Variants in MARCKS observed in about 807,000 individuals in gnomAD.
The protein encoded by MARCKS is myristoylated alanine-rich C-kinase substrate.
MARCKS carries 4 observed loss-of-function variants against 6.3 expected under a neutral mutation model. The ratio of observed to expected loss-of-function variants is 0.63; its 90% CI spans 0.31 to 1.45. MARCKS has a LOEUF of 1.45. MARCKS is among the 40% of genes most tolerant of loss of function. The pLI, the probability that MARCKS is intolerant of heterozygous loss-of-function variation, is 0.07. For missense variants in MARCKS, 636 were observed against 485.7 expected (o/e 1.31, Z -2.91); for synonymous variants, 289 against 236.5 (o/e 1.22, Z -2.04).
Position 113,857,819 on chromosome 6 carries a change from C to A in MARCKS, c.74C>A (p.Ala25Asp). Residue 25 changes from alanine (A) to aspartate (D), a missense_variant, in exon 1 of 2, where the codon GCC becomes GAC. Ala to Asp is a moderately radical substitution (Grantham distance 126, BLOSUM62 -2). Coordinates refer to ENST00000612661, the MANE Select transcript of MARCKS (RefSeq NM_002356.7). ...GAGAGGCCTGGGGAGGCGGCTGTGG[C>A]CTCGTCGCCTTCCAAAGCGAACGGA... is the stretch of plus-strand genomic sequence containing the variant. ...AAERPGEAAV[A>D]SSPSKANGQE... is the part of the protein sequence containing the mutation. The A allele has an allele frequency of 6.2e-7, 1 of 1,605,826 alleles. No homozygotes were observed. Among genetic ancestry groups the A allele is most frequent in the Non-Finnish European group, 8.5e-7 (1 of 1,176,642 alleles).
chr6:113,859,936 C>A lies in MARCKS; in HGVS notation c.356C>A (p.Pro119His). 1 of 1,482,442 alleles carries A rather than the reference C, an allele frequency of 6.7e-7. No individual in the cohort carries two copies. Among genetic ancestry groups the A allele is most frequent in the Non-Finnish European group, 8.9e-7 (1 of 1,121,004 alleles). The allele number at this position is 1,482,442 out of a possible 1,614,324, so 91.8% of individuals were successfully genotyped here. A position where few individuals can be genotyped will look rare whatever the true frequency, so the allele number is the denominator to read the frequency against. ...AEGEAAEPGS[P>H]TAAEGEAASA... is the part of the protein sequence containing the mutation. ...GGCGAGGCTGCCGAGCCCGGCTCGC[C>A]CACGGCCGCGGAGGGAGAGGCCGCG... The change falls in exon 2 of 2, where the codon CCC (proline) becomes CAC (histidine). Residue 119 changes from proline to histidine, a missense_variant. Coordinates refer to ENST00000612661, the MANE Select transcript of MARCKS (RefSeq NM_002356.7).
At position 113,860,116 on chromosome 6, in the gene MARCKS, G is replaced by A; in HGVS notation, c.536G>A (p.Gly179Glu). 1 of 1,551,284 alleles carries A rather than the reference G, an allele frequency of 6.4e-7. No individual in the cohort carries two copies. The highest frequency in any genetic ancestry group is 8.7e-7 in the Non-Finnish European group (1 of 1,147,992). The change falls in exon 2 of 2, where the codon GGA becomes GAA. Residue 179 changes from glycine (G) to glutamate (E), a missense_variant. Transcript: ENST00000612661. ...FSFKKNKKEA[G>E]EGGEAEAPAA... The stretch of plus-strand genomic sequence containing the variant: ...TTCAAGAAGAACAAGAAGGAGGCTG[G>A]AGAAGGCGGTGAGGCTGAGGCGCCC...
chr6:113,858,902 G>A (rs1348695678), intron 1 of MARCKS, among the ~76,000 whole-genome samples: 1 of 152,368 alleles, frequency 6.6e-6, no homozygotes, highest in East Asian at 1.9e-4. Flanking sequence ...CAGAAATAAT[G>A]GGTTTCCCCC....
rs1774896990 is a variant in MARCKS, at chr6:113,861,207, A to AG, written c.*628_*629insG. 1 of 152,418 alleles carries AG rather than the reference A, an allele frequency of 6.6e-6. No homozygotes were observed. Among genetic ancestry groups the AG allele is most frequent in the Admixed American group, 6.5e-5 (1 of 15,272 alleles). The allele number at this position is 152,418 out of a possible 1,614,324, so 9.4% of individuals were successfully genotyped here. A position where few individuals can be genotyped will look rare whatever the true frequency, so the allele number is the denominator to read the frequency against. On this transcript the variant is annotated 3_prime_UTR_variant, in exon 2 of 2. Transcript: ENST00000612661. ...AATACCCAGATTTAAAAAAAAAAAA[A>AG]CGATCATAGTCTTAGGAGTTCATTT...
chr6:113,858,685 G>A (rs1774827930), intron 1 of MARCKS, among the ~76,000 whole-genome samples: 1 of 152,224 alleles, frequency 6.6e-6, no homozygotes, highest in South Asian at 2.1e-4. Flanking sequence ...GTCGGCCATG[G>A]GTGGCTGCTT....
At position 113,859,916 on chromosome 6, in the gene MARCKS, G is replaced by A. The variant is rs1332810581; in HGVS notation, c.336G>A (p.Glu112=). The A allele has an allele frequency of 6.9e-7, 1 of 1,459,470 alleles. No individual in the cohort carries two copies. The allele number at this position is 1,459,470 out of a possible 1,614,324, so 90.4% of individuals were successfully genotyped here. A position where few individuals can be genotyped will look rare whatever the true frequency, so the allele number is the denominator to read the frequency against. ...AGAAGGAGGCCCCCGCGGAAGGCGA[G>A]GCTGCCGAGCCCGGCTCGCCCACGG... ...PVEKEAPAEG[E]AAEPGSPTAA... The change falls in exon 2 of 2, where the codon GAG becomes GAA. Residue 112 remains glutamate (E), a synonymous_variant. Coordinates refer to ENST00000612661, the MANE Select transcript of MARCKS (RefSeq NM_002356.7).
At position 113,861,996 on chromosome 6, in the gene MARCKS, ATC is replaced by A. The variant is rs2114523793; in HGVS notation, c.*1419_*1420del. 6.6e-6 allele frequency: 1 copy of A among 152,182 alleles called. No individual in the cohort carries two copies. The highest frequency in any genetic ancestry group is 2.1e-4 in the South Asian group (1 of 4,830). 9.4% of individuals were successfully genotyped at this position (152,182 alleles called of 1,614,324 possible). On this transcript the variant is annotated 3_prime_UTR_variant, in exon 2 of 2. Transcript: ENST00000612661. ...AGATCTTACAACATTTCCATGTCAA[ATC>A]TGTTACCATTTATTGGCATTTAGTT...
chr6:113,861,812 T>C lies in MARCKS; in HGVS notation c.*1233T>C, dbSNP rs1340188753. ...ATGTGAATAAAATGTACAAATTTGT[T>C]GTGTTTTTTTATGTTCTAATAATAC... is the stretch of plus-strand genomic sequence containing the variant. On this transcript the variant is annotated 3_prime_UTR_variant, in exon 2 of 2. Coordinates refer to ENST00000612661, the MANE Select transcript of MARCKS (RefSeq NM_002356.7). The C allele has an allele frequency of 6.6e-6, 1 of 152,604 alleles. No homozygotes were observed. Among genetic ancestry groups the C allele is most frequent in the Admixed American group, 6.5e-5 (1 of 15,284 alleles). 9.5% of individuals were successfully genotyped at this position (152,604 alleles called of 1,614,324 possible). A position where few individuals can be genotyped will look rare whatever the true frequency, so the allele number is the denominator to read the frequency against.
rs57774858 is a variant in MARCKS at position 113,862,416 on chromosome 6, CTTTTTTTT to C, written c.*1848_*1855del. Reference sequence around the variant, plus strand: ...GGCCTTTAGCATAGTTTTAAGCATCCTTTTTTTTTTTTTTTTTTGAAAGTGTGTTAGCA... The same window carrying C: ...GGCCTTTAGCATAGTTTTAAGCATCCTTTTTTTTTTGAAAGTGTGTTAGCA... On this transcript the variant is annotated 3_prime_UTR_variant, in exon 2 of 2. Coordinates refer to ENST00000612661, the MANE Select transcript of MARCKS (RefSeq NM_002356.7). 1 of 105,546 alleles carries C rather than the reference CTTTTTTTT, an allele frequency of 9.5e-6. No homozygotes were observed. The highest frequency in any genetic ancestry group is 3.0e-5 in the African/African-American group (1 of 32,902). 6.5% of individuals were successfully genotyped at this position (105,546 alleles called of 1,614,324 possible).
Position 113,858,825 on chromosome 6 carries a change from CG to C in MARCKS, c.103-857del, listed in dbSNP as rs1024146210. On this transcript the variant is annotated intron_variant, in intron 1 of 1. Transcript: ENST00000612661. ...AACCCGTTAAAAATGCAAAATGAGC[CG>C]CCGAGGCGCGCCCAGGCTTCGCAGA... Among the ~76,000 whole-genome samples the C allele has an allele frequency of 1.6e-4, 24 of 152,386 alleles. No homozygotes were observed. The South Asian group carries it at 5.0e-3, about 32-fold the overall frequency.
At position 113,862,593 on chromosome 6, in the gene MARCKS, A is replaced by G. The variant is rs1774919112; in HGVS notation, c.*2014A>G. The G allele has an allele frequency of 6.6e-6, 1 of 152,126 alleles. No individual in the cohort carries two copies. Among genetic ancestry groups the G allele is most frequent in the South Asian group, 2.1e-4 (1 of 4,826 alleles). The allele number at this position is 152,126 out of a possible 1,614,324, so 9.4% of individuals were successfully genotyped here. ...CCCTAAACTGATTGAAATTTAAGAT[A>G]TGTATCAAAAACATTATTTCATTTA... On this transcript the variant is annotated 3_prime_UTR_variant, in exon 2 of 2. Coordinates refer to ENST00000612661, the MANE Select transcript of MARCKS (RefSeq NM_002356.7).
chr6:113,859,981 C>A lies in MARCKS; in HGVS notation c.401C>A (p.Ser134Tyr). 6.5e-7 allele frequency: 1 copy of A among 1,547,314 alleles called. No homozygotes were observed. The highest frequency in any genetic ancestry group is 2.5e-5 in the East Asian group (1 of 40,102). Residue 134 changes from serine to tyrosine, a missense_variant, in exon 2 of 2, where the codon TCT becomes TAT. Transcript: ENST00000612661. ...GEAASAASST[S>Y]SPKAEDGATP... ...GCCGCGTCGGCCGCCTCCTCGACTT[C>A]TTCGCCCAAGGCCGAGGACGGGGCC...
Position 113,861,481 on chromosome 6 carries a change from T to A in MARCKS, c.*902T>A, listed in dbSNP as rs1242737415. 1.3e-5 allele frequency: 2 copies of A among 152,650 alleles called. No homozygotes were observed. Among genetic ancestry groups the A allele is most frequent in the Non-Finnish European group, 2.9e-5 (2 of 68,022 alleles). 9.5% of individuals were successfully genotyped at this position (152,650 alleles called of 1,614,324 possible). A position where few individuals can be genotyped will look rare whatever the true frequency, so the allele number is the denominator to read the frequency against. ...GTAAAACTGCAGTCATCTTGGACCT[T>A]TTAAAACACAAATTTTAAACTCAAC... On this transcript the variant is annotated 3_prime_UTR_variant, in exon 2 of 2. Transcript: ENST00000612661.
chr6:113,859,306 T>C (rs1041280614), intron 1 of MARCKS, among the ~76,000 whole-genome samples: 9 of 152,218 alleles, frequency 5.9e-5, no homozygotes, highest in African/African-American at 2.2e-4. Flanking sequence ...CAAAGGGCGT[T>C]TGCTGTGTCA....
At position 113,859,851 on chromosome 6, in the gene MARCKS, G is replaced by T. The variant is rs1255146027; in HGVS notation, c.271G>T (p.Ala91Ser). The T allele has an allele frequency of 1.5e-6, 2 of 1,298,066 alleles. No individual in the cohort carries two copies. The highest frequency in any genetic ancestry group is 1.6e-5 in the African/African-American group (1 of 63,684). The allele number at this position is 1,298,066 out of a possible 1,614,324, so 80.4% of individuals were successfully genotyped here. The change falls in exon 2 of 2, where the codon GCC becomes TCC. Residue 91 changes from alanine to serine, a missense_variant. Transcript: ENST00000612661. ...SPSAAEKGEPAAAAAPEAGAS... is the reference protein window; with the variant it reads ...SPSAAEKGEPSAAAAPEAGAS... ...CTCCGCGGCCGAGAAAGGTGAGCCG[G>T]CCGCCGCCGCTGCCCCCGAGGCCGG...
chr6:113,860,294 G>T lies in MARCKS; in HGVS notation c.714G>T (p.Lys238Asn). Residue 238 changes from lysine (K) to asparagine (N), a missense_variant, in exon 2 of 2, where the codon AAG becomes AAT. By Grantham distance (94) the Lys-to-Asn change is moderately conservative. Transcript: ENST00000612661. ...GAAGGDPQEA[K>N]PQEAAVAPEK... ...CGGGTGGCGACCCGCAGGAGGCCAA[G>T]CCCCAGGAGGCCGCTGTCGCGCCAG... 1 of 1,261,790 alleles carries T rather than the reference G, an allele frequency of 7.9e-7. No individual in the cohort carries two copies. The highest frequency in any genetic ancestry group is 3.4e-4 in the Middle Eastern group (1 of 2,966). The allele number at this position is 1,261,790 out of a possible 1,614,324, so 78.2% of individuals were successfully genotyped here.
chr6:113,857,649 C>T lies in MARCKS; in HGVS notation c.-97C>T. ...TGTGTGCCGCTGCCGCTGTTGCCGC[C>T]GCCGCTGCTGCTGCTGCTCGCCCCG... On this transcript the variant is annotated 5_prime_UTR_variant, in exon 1 of 2. Coordinates refer to ENST00000612661, the MANE Select transcript of MARCKS (RefSeq NM_002356.7). The T allele has an allele frequency of 1.6e-6, 1 of 626,148 alleles. No homozygotes were observed. Among genetic ancestry groups the T allele is most frequent in the South Asian group, 1.6e-5 (1 of 63,724 alleles). The allele number at this position is 626,148 out of a possible 1,614,324, so 38.8% of individuals were successfully genotyped here. A position where few individuals can be genotyped will look rare whatever the true frequency, so the allele number is the denominator to read the frequency against.
rs891138199 is a variant in MARCKS, at chr6:113,857,838, G to T, written c.93G>T (p.Ala31=). ...EAAVASSPSK[A]NGQENGHVKV... is the part of the protein sequence containing the mutation. ...CTGTGGCCTCGTCGCCTTCCAAAGC[G>T]AACGGACAGGTAAATTCTACCTGTG... Residue 31 remains alanine (A), a synonymous_variant, in exon 1 of 2, where the codon GCG becomes GCT. Coordinates refer to ENST00000612661, the MANE Select transcript of MARCKS (RefSeq NM_002356.7). 6.3e-7 allele frequency: 1 copy of T among 1,599,386 alleles called. No individual in the cohort carries two copies. Among genetic ancestry groups the T allele is most frequent in the East Asian group, 2.3e-5 (1 of 44,358 alleles).
In MARCKS at chr6:113,857,517, C is replaced by A; in HGVS notation, c.-229C>A. 1.9e-6 allele frequency: 1 copy of A among 533,104 alleles called. No individual in the cohort carries two copies. Among genetic ancestry groups the A allele is most frequent in the Non-Finnish European group, 3.3e-6 (1 of 302,048 alleles). 33.0% of individuals were successfully genotyped at this position (533,104 alleles called of 1,614,324 possible). Reference sequence around the variant, plus strand: ...CTTTTCCACCCTTTTTCCCTCCCTCCTGTGCTGCTGCTTTTTGATCTCTTC... The same window carrying A: ...CTTTTCCACCCTTTTTCCCTCCCTCATGTGCTGCTGCTTTTTGATCTCTTC... On this transcript the variant is annotated 5_prime_UTR_variant, in exon 1 of 2. In the 5' UTR this introduces an upstream ATG that the reference lacks. Transcript: ENST00000612661.
Sources: gnomAD v4.1 joint callset for allele counts (sites outside exome capture counted in the v4.1 genomes callset) on GRCh38, gnomAD v4.1.1 for gene constraint, MANE v1.5 for transcripts, NCBI Gene and HGNC (gene_info 2026-07-23, HGNC 2026-07-21) for gene names.